Variants in DRGX observed in about 807,000 individuals in gnomAD.
DRGX encodes the protein dorsal root ganglia homeobox.
DRGX carries 21 observed loss-of-function variants against 28.6 expected under a neutral mutation model. That is an observed-to-expected ratio of 0.73 (90% CI 0.52 to 1.06). The LOEUF is 1.06. DRGX is among the 50% of genes least tolerant of loss of function. The pLI is 0.00. For missense variants in DRGX, 354 were observed against 343.9 expected (o/e 1.03, Z -0.23); for synonymous variants, 136 against 139.1 (o/e 0.98, Z 0.16).
chr10:49,382,818 C>T (rs1849791495), intron 6 of DRGX, among the ~76,000 whole-genome samples: 2 of 152,254 alleles, frequency 1.3e-5, no homozygotes, highest in East Asian at 1.9e-4. Flanking sequence ...CCTCCTTCTT[C>T]CTGGACACTG....
intron 6 of DRGX, among the ~76,000 whole-genome samples, chr10:49,383,546 A>G (rs550621993): frequency 2.6e-5 from 4 of 152,338 alleles, no homozygotes; most frequent in Admixed American, 2.0e-4. Flanking sequence ...AATTTGGCCC[A>G]AAGACTTGGA....
Position 49,391,237 on chromosome 10 carries a change from G to C in DRGX, c.59C>G (p.Ser20Cys). 2 of 1,611,460 alleles carry C rather than the reference G, an allele frequency of 1.2e-6. No individual in the cohort carries two copies. Among genetic ancestry groups the C allele is most frequent in the Non-Finnish European group, 1.7e-6 (2 of 1,178,838 alleles). ...LEGTATFGNH[S>C]SGDFDDGFLR... ...AAACCCGTCATCAAAATCCCCCGAAGAGTGATTGCCAAAGGTTGCAGTGCC... is the reference window on the plus strand; with the variant it reads ...AAACCCGTCATCAAAATCCCCCGAACAGTGATTGCCAAAGGTTGCAGTGCC... The change falls in exon 3 of 7, where the codon TCT becomes TGT. Residue 20 changes from serine (S) to cysteine (C), a missense_variant. Physicochemically the swap from Ser to Cys is moderately radical, Grantham distance 112 (BLOSUM62 -1). Transcript: ENST00000374139.
chr10:49,369,769 A>C (rs1849634901), intron 6 of DRGX, among the ~76,000 whole-genome samples: 1 of 149,648 alleles, frequency 6.7e-6, no homozygotes, highest in African/African-American at 2.5e-5. Flanking sequence ...CAAAAAGAAA[A>C]TAAGATTTTT....
At chr10:49,388,085 G>A (rs1350332212) in intron 4 of DRGX, among the ~76,000 whole-genome samples, 2 of 152,174 alleles carry the variant, frequency 1.3e-5, no homozygotes, top group African/African-American at 2.4e-5. Context: ...CAAAAAAGCT[G>A]GTAATTCACC....
Position 49,389,244 on chromosome 10 carries a change from T to A in DRGX, c.234+889A>T, listed in dbSNP as rs111484743. Among the ~76,000 whole-genome samples the A allele has an allele frequency of 2.1e-3, 321 of 152,262 alleles. 1 individual carries two copies. The highest frequency in any genetic ancestry group is 7.2e-3 in the African/African-American group (300 of 41,546). On this transcript the variant is annotated intron_variant, in intron 4 of 6. Transcript: ENST00000374139. ...TTGTTTACAACCCCCAATTTACTGC[T>A]CAGAATTCCATTATCTCTCTTCAGC... is the stretch of plus-strand genomic sequence containing the variant.
At position 49,364,486 on chromosome 10, in the gene DRGX, T is replaced by C. The variant is rs1390873796; in HGVS notation, c.*1630A>G. 1 of 152,240 alleles carries C rather than the reference T, an allele frequency of 6.6e-6. No individual in the cohort carries two copies. The highest frequency in any genetic ancestry group is 1.5e-5 in the Non-Finnish European group (1 of 68,050). The allele number at this position is 152,240 out of a possible 1,614,324, so 9.4% of individuals were successfully genotyped here. On this transcript the variant is annotated 3_prime_UTR_variant, in exon 7 of 7. Coordinates refer to ENST00000374139, the MANE Select transcript of DRGX (RefSeq NM_001276451.2). ...CAGTTCACTTATTTATGTACCTTTC[T>C]GGAGGAAATACGAGTTTAATCAAAC...
At chr10:49,378,867 G>T (rs1205573624) in intron 6 of DRGX, among the ~76,000 whole-genome samples, 1 of 152,044 alleles carries the variant, frequency 6.6e-6, no homozygotes, top group Non-Finnish European at 1.5e-5. Flanking sequence ...ATGTGTGTGT[G>T]TATATGCATG....
intron 6 of DRGX, among the ~76,000 whole-genome samples, chr10:49,382,613 A>G (rs1371495084): frequency 6.6e-6 from 1 of 152,178 alleles, no homozygotes; most frequent in Non-Finnish European, 1.5e-5. Context: ...ACCTAAGAGA[A>G]GGAGAAGACT....
chr10:49,366,150 G>A lies in DRGX; in HGVS notation c.758C>T (p.Thr253Ile), dbSNP rs1011452390. The A allele has an allele frequency of 1.2e-6, 2 of 1,609,232 alleles. No homozygotes were observed. Among genetic ancestry groups the A allele is most frequent in the African/African-American group, 2.7e-5 (2 of 74,904 alleles). Residue 253 changes from threonine to isoleucine, a missense_variant, in exon 7 of 7, where the codon ACC becomes ATC. Thr to Ile is a moderately conservative substitution (Grantham distance 89). Transcript: ENST00000374139. Reference sequence around the variant, plus strand: ...CTTCTCTGCCTCGCTCTGTTCCTTGGTGGGAGAGGTCTTTTCCTGGCTGCC... The same window carrying A: ...CTTCTCTGCCTCGCTCTGTTCCTTGATGGGAGAGGTCTTTTCCTGGCTGCC... ...PDGSQEKTSP[T>I]KEQSEAEKSV
chr10:49,386,562 G>A lies in DRGX; in HGVS notation c.442C>T (p.Pro148Ser), dbSNP rs1384783835. 1.3e-6 allele frequency: 2 copies of A among 1,591,120 alleles called. No homozygotes were observed. Among genetic ancestry groups the A allele is most frequent in the South Asian group, 1.1e-5 (1 of 87,780 alleles). Residue 148 changes from proline (P) to serine (S), a missense_variant, in exon 6 of 7, where the codon CCT (proline) becomes TCT (serine). Pro to Ser is a moderately conservative substitution (Grantham distance 74, BLOSUM62 -1). Coordinates refer to ENST00000374139, the MANE Select transcript of DRGX (RefSeq NM_001276451.2). ...SLGRTVGPAGPFFPSCLPGTL... is the reference protein window; with the variant it reads ...SLGRTVGPAGSFFPSCLPGTL... ...CCCGGCAAGCAGGAGGGGAAGAAAG[G>A]CCCTGCAGGACCTACCGTTCGCCCC...
chr10:49,395,194 G>C (rs1263064491), intron 2 of DRGX, among the ~76,000 whole-genome samples: 3 of 152,198 alleles, frequency 2.0e-5, no homozygotes, highest in Admixed American at 1.3e-4. Flanking sequence ...CCCAGGCGGG[G>C]AGGGAGCTGG....
chr10:49,388,707 G>T (rs1248721533), intron 4 of DRGX, among the ~76,000 whole-genome samples: 6 of 152,192 alleles, frequency 3.9e-5, no homozygotes, highest in Non-Finnish European at 7.3e-5. Flanking sequence ...GCATGATGGA[G>T]TCGTTTATTT....
At chr10:49,375,954 T>C (rs1849712187) in intron 6 of DRGX, among the ~76,000 whole-genome samples, 1 of 152,076 alleles carries the variant, frequency 6.6e-6, no homozygotes, top group African/African-American at 2.4e-5. Flanking sequence ...GCCCCATTGA[T>C]TAGCAGGAAG....
At chr10:49,372,200 G>A (rs960955373) in intron 6 of DRGX, among the ~76,000 whole-genome samples, 1 of 152,210 alleles carries the variant, frequency 6.6e-6, no homozygotes, top group Non-Finnish European at 1.5e-5. Context: ...AGTTGGCCGT[G>A]AGAGGAGCTA....
rs780498159 is a variant in DRGX at position 49,390,118 on chromosome 10, A to G, written c.234+15T>C. The G allele has an allele frequency of 1.9e-6, 3 of 1,588,570 alleles. No homozygotes were observed. The Admixed American group carries it at 5.4e-5, about 28-fold the overall frequency. On this transcript the variant is annotated intron_variant, in intron 4 of 6. Transcript: ENST00000374139. ...TTTAATATTAGAGAGTTAAATAATTAAAAAGAAGGTTTACCTGCACTCTGG... is the reference window on the plus strand; with the variant it reads ...TTTAATATTAGAGAGTTAAATAATTGAAAAGAAGGTTTACCTGCACTCTGG...
intron 6 of DRGX, among the ~76,000 whole-genome samples, chr10:49,376,836 G>A (rs751505363): frequency 6.6e-5 from 10 of 152,102 alleles, no homozygotes; most frequent in Admixed American, 1.3e-4. Context: ...TCTTCCTGTG[G>A]AGAAACTTCC....
At chr10:49,392,799 A>T (rs1009824308) in intron 2 of DRGX, among the ~76,000 whole-genome samples, 6 of 152,256 alleles carry the variant, frequency 3.9e-5, no homozygotes, top group African/African-American at 1.4e-4. Flanking sequence ...TTTACTTAAA[A>T]ATAAGTAGAA....
chr10:49,391,290 C>G, intron 2 of DRGX, 29 bp from the exon 3 acceptor site: 1 of 1,597,756 alleles, frequency 6.3e-7, no homozygotes. Context: ...TCAACCTGGG[C>G]AGGAAGGGGC....
chr10:49,382,348 C>G (rs1176559950), intron 6 of DRGX, among the ~76,000 whole-genome samples: 2 of 152,194 alleles, frequency 1.3e-5, no homozygotes, highest in East Asian at 3.9e-4. Flanking sequence ...AGTCAGGTGC[C>G]TTCTAGCACC....
Sources: allele counts gnomAD v4.1 joint callset (sites outside exome capture counted in the v4.1 genomes callset), GRCh38; gene constraint gnomAD v4.1.1; transcripts MANE v1.5; gene names NCBI Gene and HGNC (gene_info 2026-07-23, HGNC 2026-07-21).